Variants in SKAP1 observed in about 807,000 individuals in gnomAD.
SKAP1 encodes the protein src kinase associated phosphoprotein 1, also known as src kinase-associated phosphoprotein 1.
SKAP1 carries 44 observed loss-of-function variants against 58.5 expected under a neutral mutation model. That is an observed-to-expected ratio of 0.75 (90% confidence interval 0.59 to 0.97). The LOEUF is 0.97. SKAP1 is among the 50% of genes least tolerant of loss of function. The pLI is 0.00. For missense variants in SKAP1, 390 were observed against 435.2 expected (o/e 0.90, Z 0.92); for synonymous variants, 127 against 149.7 (o/e 0.85, Z 1.11).
chr17:48,353,249 C>T (rs939480419), intron 3 of SKAP1, among the ~76,000 whole-genome samples: 3 of 152,068 alleles, frequency 2.0e-5, no homozygotes, highest in African/African-American at 7.2e-5. Flanking sequence ...TGATTTTTTT[C>T]CAGCACCTTC....
chr17:48,355,907 A>G (rs2066870813), intron 3 of SKAP1, among the ~76,000 whole-genome samples: 1 of 152,164 alleles, frequency 6.6e-6, no homozygotes, highest in Non-Finnish European at 1.5e-5. Flanking sequence ...ATTAAACAAC[A>G]GAGAATGCTG....
intron 4 of SKAP1, among the ~76,000 whole-genome samples, chr17:48,276,170 C>A (rs558976529): frequency 6.6e-6 from 1 of 152,308 alleles, no homozygotes; most frequent in East Asian, 1.9e-4. Flanking sequence ...TCTACCCCCC[C>A]AGCCACTCTC....
At chr17:48,313,151 G>C (rs1446395286) in intron 4 of SKAP1, among the ~76,000 whole-genome samples, 1 of 151,518 alleles carries the variant, frequency 6.6e-6, no homozygotes, top group African/African-American at 2.4e-5. Flanking sequence ...GGGCGGTGGG[G>C]GGGTGGGAGG....
chr17:48,410,638 C>T (rs541945098), intron 1 of SKAP1, among the ~76,000 whole-genome samples: 13 of 151,814 alleles, frequency 8.6e-5, no homozygotes, highest in Admixed American at 4.6e-4. Context: ...TCAAAAGGGG[C>T]GCAGGAGGTC....
intron 4 of SKAP1, among the ~76,000 whole-genome samples, chr17:48,243,067 T>C (rs1321847708): frequency 6.6e-6 from 1 of 152,228 alleles, no homozygotes; most frequent in Non-Finnish European, 1.5e-5. Context: ...ATTTTGCAAA[T>C]TGACTATACC....
At chr17:48,269,354 C>A (rs538456440) in intron 4 of SKAP1, among the ~76,000 whole-genome samples, 4 of 152,228 alleles carry the variant, frequency 2.6e-5, no homozygotes, top group Admixed American at 2.6e-4. Flanking sequence ...TATCTGTCTA[C>A]ACCAGGACTA....
chr17:48,222,918 G>T (rs1343582834), intron 4 of SKAP1, among the ~76,000 whole-genome samples: 3 of 151,132 alleles, frequency 2.0e-5, no homozygotes, highest in Non-Finnish European at 2.9e-5. Context: ...ACAAAAATTA[G>T]CTGGGCGTGG....
At chr17:48,143,034 C>T (rs2063787494) in intron 11 of SKAP1, among the ~76,000 whole-genome samples, 1 of 144,838 alleles carries the variant, frequency 6.9e-6, no homozygotes, top group South Asian at 2.2e-4. Flanking sequence ...CCAGGCTGGT[C>T]CTGAACTCCT....
At chr17:48,207,256 G>A (rs2064821244) in intron 4 of SKAP1, among the ~76,000 whole-genome samples, 1 of 152,128 alleles carries the variant, frequency 6.6e-6, no homozygotes, top group Non-Finnish European at 1.5e-5. Flanking sequence ...GGCCGAGGCA[G>A]GCAGATCACT....
chr17:48,204,812 T>G (rs1207261132), intron 4 of SKAP1, among the ~76,000 whole-genome samples: 1 of 152,140 alleles, frequency 6.6e-6, no homozygotes, highest in East Asian at 1.9e-4. Context: ...ATAGCTCTGA[T>G]GCAGAATCTG....
At chr17:48,233,538 C>A (rs745585700) in intron 4 of SKAP1, among the ~76,000 whole-genome samples, 1 of 151,968 alleles carries the variant, frequency 6.6e-6, no homozygotes, top group Non-Finnish European at 1.5e-5. Context: ...TTTTACTGTA[C>A]TAATTGTATA....
chr17:48,430,271 C>G (rs1005436589), upstream of SKAP1: 331 of 476,988 alleles, frequency 6.9e-4, 3 homozygotes, highest in Non-Finnish European at 1.7e-4. Context: ...CCGTGGGTCC[C>G]CGGGCGCGTC....
At chr17:48,347,429 G>A (rs1424308230) in intron 3 of SKAP1, among the ~76,000 whole-genome samples, 1 of 152,132 alleles carries the variant, frequency 6.6e-6, no homozygotes, top group Non-Finnish European at 1.5e-5. Flanking sequence ...GAAAGCCAGG[G>A]AGGTTATAAA....
At chr17:48,339,698 G>T (rs9303543) in intron 4 of SKAP1, among the ~76,000 whole-genome samples, 2 of 151,948 alleles carry the variant, frequency 1.3e-5, no homozygotes, top group African/African-American at 4.8e-5. Flanking sequence ...GATTTATCCT[G>T]ATCAGTGAGG....
At chr17:48,158,821 G>A (rs1022815000) in intron 11 of SKAP1, among the ~76,000 whole-genome samples, 58 of 149,498 alleles carry the variant, frequency 3.9e-4, no homozygotes, top group Non-Finnish European at 4.3e-4. Flanking sequence ...TTAGCTGGGC[G>A]AGGTGGCGGG....
At chr17:48,257,235 G>A (rs2065433344) in intron 4 of SKAP1, among the ~76,000 whole-genome samples, 1 of 151,896 alleles carries the variant, frequency 6.6e-6, no homozygotes, top group Non-Finnish European at 1.5e-5. Flanking sequence ...TGAAACTGAA[G>A]GATTCCTGAC....
chr17:48,408,255 T>C (rs1480412159), intron 1 of SKAP1, among the ~76,000 whole-genome samples: 1 of 152,134 alleles, frequency 6.6e-6, no homozygotes, highest in African/African-American at 2.4e-5. Context: ...GAGAAAAATA[T>C]AAATTTCTAA....
intron 2 of SKAP1, among the ~76,000 whole-genome samples, chr17:48,377,606 CA>C (rs1214673168): frequency 2.0e-5 from 3 of 149,196 alleles, no homozygotes; most frequent in African/African-American, 7.4e-5. Context: ...TAAATAAAAA[CA>C]TTTACTATGG....
chr17:48,413,668 T>C (rs531889286), intron 1 of SKAP1, among the ~76,000 whole-genome samples: 38 of 151,554 alleles, frequency 2.5e-4, no homozygotes, highest in East Asian at 2.3e-3. Context: ...CTCAATATAT[T>C]ACCTCCTTTA....
Sources: allele counts gnomAD v4.1 joint callset (sites outside exome capture counted in the v4.1 genomes callset), GRCh38; gene constraint gnomAD v4.1.1; transcripts MANE v1.5; gene names NCBI Gene and HGNC (gene_info 2026-07-23, HGNC 2026-07-21).